PKIA: variants seen among roughly 807,000 people sequenced by gnomAD.
PKIA encodes PKI-alpha.
In PKIA, 4 loss-of-function variants were observed where a neutral mutation model predicts 7.6. The ratio of observed to expected loss-of-function variants is 0.52; its 90% CI spans 0.26 to 1.20. PKIA has a LOEUF of 1.20. PKIA is among the 50% of genes most tolerant of loss of function. The pLI is 0.13. For missense variants in PKIA, 73 were observed against 86.2 expected, an observed-to-expected ratio of 0.85 and a Z score of 0.61; for synonymous variants, 21 against 30.7, an observed-to-expected ratio of 0.68 and a Z score of 1.04.
At chr8:78,522,863 AT>A (rs997612400) in intron 1 of PKIA, among the ~76,000 whole-genome samples, 11 of 150,566 alleles carry the variant, frequency 7.3e-5, no homozygotes, top group Non-Finnish European at 1.2e-4. Flanking sequence ...TAAATCTTTT[AT>A]TTTTTTTTCT....
At chr8:78,561,631 G>A (rs1807288973) in intron 1 of PKIA, among the ~76,000 whole-genome samples, 3 of 152,054 alleles carry the variant, frequency 2.0e-5, no homozygotes, top group African/African-American at 4.8e-5. Flanking sequence ...CTCAAGTAGG[G>A]CCATTGTAGT....
At position 78,602,555 on chromosome 8, in the gene PKIA, C is replaced by A. The variant is rs1808373227; in HGVS notation, c.*734C>A. On this transcript the variant is annotated 3_prime_UTR_variant, in exon 4 of 4. Transcript: ENST00000396418. ...TAAGTCTAACAGATTCATCAAGACTCCATTGCTTTATTATAGAGACATTTG... is the reference window on the plus strand; with the variant it reads ...TAAGTCTAACAGATTCATCAAGACTACATTGCTTTATTATAGAGACATTTG... The A allele has an allele frequency of 6.6e-6, 1 of 152,140 alleles. No homozygotes were observed. Among genetic ancestry groups the A allele is most frequent in the Admixed American group, 6.6e-5 (1 of 15,158 alleles). 9.4% of individuals were successfully genotyped at this position (152,140 alleles called of 1,614,324 possible).
At chr8:78,527,077 T>C (rs2118346395) in intron 1 of PKIA, among the ~76,000 whole-genome samples, 1 of 152,192 alleles carries the variant, frequency 6.6e-6, no homozygotes, top group Middle Eastern at 3.4e-3. Flanking sequence ...TGTGATAATT[T>C]ATTGCAGTTG....
chr8:78,584,908 C>T (rs965735097), intron 2 of PKIA, among the ~76,000 whole-genome samples: 1 of 151,860 alleles, frequency 6.6e-6, no homozygotes, highest in Non-Finnish European at 1.5e-5. Context: ...TAATGTTTAC[C>T]ATTTTAAATA....
In PKIA at chr8:78,604,643, T is replaced by C. The variant is rs1808433249; in HGVS notation, c.*2822T>C. The C allele has an allele frequency of 6.6e-6, 1 of 152,018 alleles. No homozygotes were observed. The highest frequency in any genetic ancestry group is 1.5e-5 in the Non-Finnish European group (1 of 67,934). 9.4% of individuals were successfully genotyped at this position (152,018 alleles called of 1,614,324 possible). A position where few individuals can be genotyped will look rare whatever the true frequency, so the allele number is the denominator to read the frequency against. ...TTTGGGGGGTATATTTCCCAGAAGA[T>C]ATTTTTCTGGCATGTGGTCTGTAAA... On this transcript the variant is annotated 3_prime_UTR_variant, in exon 4 of 4. Coordinates refer to ENST00000396418, the MANE Select transcript of PKIA (RefSeq NM_006823.4).
chr8:78,568,887 G>A (rs528621002), intron 1 of PKIA, among the ~76,000 whole-genome samples: 142 of 152,190 alleles, frequency 9.3e-4, no homozygotes, highest in African/African-American at 3.1e-3. Flanking sequence ...GGAGTTGATC[G>A]TGCATACCAC....
intron 1 of PKIA, among the ~76,000 whole-genome samples, chr8:78,567,321 C>T (rs944862188): frequency 6.6e-6 from 1 of 152,110 alleles, no homozygotes; most frequent in East Asian, 1.9e-4. Context: ...CATCAGGATA[C>T]TGTATTACAT....
In PKIA at chr8:78,570,041, C is replaced by T. The variant is rs533559156; in HGVS notation, c.-156-2770C>T. ...GGTAGGAACTCAGGAACCTGTGGAA[C>T]GAAAAATAAAAAGCTAACATCCATA... On this transcript the variant is annotated intron_variant, in intron 1 of 3. Coordinates refer to ENST00000396418, the MANE Select transcript of PKIA (RefSeq NM_006823.4). Among the ~76,000 whole-genome samples the T allele has an allele frequency of 1.2e-4, 18 of 151,872 alleles. No individual in the cohort carries two copies. The South Asian group carries it at 2.5e-3, about 21-fold the overall frequency.
At chr8:78,531,881 T>C (rs1433493196) in intron 1 of PKIA, among the ~76,000 whole-genome samples, 1 of 152,140 alleles carries the variant, frequency 6.6e-6, no homozygotes, top group African/African-American at 2.4e-5. Flanking sequence ...ATTTAAGGAC[T>C]TGTAAAGATT....
intron 1 of PKIA, among the ~76,000 whole-genome samples, chr8:78,545,011 A>G (rs1477270936): frequency 1.3e-5 from 2 of 152,282 alleles, no homozygotes; most frequent in East Asian, 1.9e-4. Flanking sequence ...AAACGGTAAT[A>G]TATGGAAAAT....
chr8:78,553,089 GAAA>G (rs200519145), intron 1 of PKIA, among the ~76,000 whole-genome samples: 5 of 121,678 alleles, frequency 4.1e-5, no homozygotes, highest in Admixed American at 8.5e-5. Context: ...CCATTTGCAG[GAAA>G]AAAAAAAAAA....
At chr8:78,537,804 G>A (rs1295982778) in intron 1 of PKIA, among the ~76,000 whole-genome samples, 1 of 152,000 alleles carries the variant, frequency 6.6e-6, no homozygotes, top group Non-Finnish European at 1.5e-5. Context: ...TGCATCTTTT[G>A]TGCTACTGCC....
intron 1 of PKIA, among the ~76,000 whole-genome samples, chr8:78,562,016 ACCAT>A (rs966762804): frequency 2.6e-5 from 4 of 152,124 alleles, no homozygotes; most frequent in African/African-American, 4.8e-5. Flanking sequence ...ATCACCCTTA[ACCAT>A]CACTTCTCCC....
At chr8:78,590,727 T>A (rs1808074721) in intron 2 of PKIA, among the ~76,000 whole-genome samples, 1 of 152,138 alleles carries the variant, frequency 6.6e-6, no homozygotes, top group African/African-American at 2.4e-5. Context: ...TCATAGTATT[T>A]GAGGTGAATT....
In PKIA at chr8:78,546,134, T is replaced by G. The variant is rs150244559; in HGVS notation, c.-156-26677T>G. Reference sequence around the variant, plus strand: ...CCATGGCTTTGTCGAATACATCAACTAATACATTGAAACTGCTAATTGTGT... The same window carrying G: ...CCATGGCTTTGTCGAATACATCAACGAATACATTGAAACTGCTAATTGTGT... On this transcript the variant is annotated intron_variant, in intron 1 of 3. Transcript: ENST00000396418. 3.5e-4 allele frequency among the ~76,000 whole-genome samples: 54 copies of G among 152,326 alleles called. 1 individual carries two copies. Among genetic ancestry groups the G allele is most frequent in the African/African-American group, 1.2e-3 (51 of 41,582 alleles).
chr8:78,598,279 T>TG (rs1211919073), intron 2 of PKIA, 79 bp from the exon 3 acceptor site: 1 of 825,206 alleles, frequency 1.2e-6, no homozygotes, highest in African/African-American at 1.7e-5. Context: ...TTGTTTCACA[T>TG]TCATATACTA....
At chr8:78,593,573 G>GTAAT (rs1254483088) in intron 2 of PKIA, among the ~76,000 whole-genome samples, 4 of 152,200 alleles carry the variant, frequency 2.6e-5, no homozygotes, top group Non-Finnish European at 4.4e-5. Flanking sequence ...AACCTTTGAA[G>GTAAT]TAATGCAGAA....
intron 1 of PKIA, among the ~76,000 whole-genome samples, chr8:78,549,456 T>G (rs1417191345): frequency 1.3e-5 from 2 of 152,076 alleles, no homozygotes; most frequent in East Asian, 3.9e-4. Context: ...TAGAAAATTT[T>G]GCTATATGGT....
At chr8:78,579,101 C>T (rs928056044) in intron 2 of PKIA, among the ~76,000 whole-genome samples, 1 of 151,944 alleles carries the variant, frequency 6.6e-6, no homozygotes, top group African/African-American at 2.4e-5. Context: ...CCATAAGAAA[C>T]TCTTTCCACC....
Sources: gnomAD v4.1 joint callset for allele counts (sites outside exome capture counted in the v4.1 genomes callset) on GRCh38, gnomAD v4.1.1 for gene constraint, MANE v1.5 for transcripts, NCBI Gene and HGNC (gene_info 2026-07-23, HGNC 2026-07-21) for gene names.